Variants in SPINT2 observed in about 807,000 individuals in gnomAD.
SPINT2 encodes kunitz-type protease inhibitor 2.
SPINT2 carries 18 observed loss-of-function variants against 30.1 expected under a neutral mutation model. The ratio of observed to expected loss-of-function variants is 0.60; its 90% CI spans 0.41 to 0.89. The LOEUF (loss-of-function observed/expected upper bound fraction) is 0.89, where lower values mean the gene tolerates loss of function less well. Ranked by LOEUF, SPINT2 falls within the 40% of genes least tolerant of loss-of-function variation. The pLI is 0.00. For synonymous variants in SPINT2, 139 were observed against 137.9 expected, an observed-to-expected ratio of 1.01 and a Z score of -0.05; for missense variants, 276 against 334.3, an observed-to-expected ratio of 0.83 and a Z score of 1.36.
At chr19:38,271,600 G>A (rs1272882716) in intron 1 of SPINT2, among the ~76,000 whole-genome samples, 5 of 152,104 alleles carry the variant, frequency 3.3e-5, no homozygotes, top group African/African-American at 4.8e-5. Context: ...TTGGGAGGCC[G>A]AGGTGGGTGG....
chr19:38,279,736 C>G (rs1968559418), intron 1 of SPINT2, among the ~76,000 whole-genome samples: 1 of 152,192 alleles, frequency 6.6e-6, no homozygotes, highest in South Asian at 2.1e-4. Context: ...TCACTGCAAC[C>G]TCCGCCTTGC....
intron 2 of SPINT2, among the ~76,000 whole-genome samples, chr19:38,285,730 A>G (rs553752616): frequency 6.6e-6 from 1 of 152,124 alleles, no homozygotes; most frequent in Non-Finnish European, 1.5e-5. Flanking sequence ...TCCCCCTAAC[A>G]TGTTTTTTTG....
intron 1 of SPINT2, among the ~76,000 whole-genome samples, chr19:38,268,766 C>CGCGTGTGTGT (rs375982086): frequency 2.0e-5 from 3 of 149,818 alleles, no homozygotes; most frequent in African/African-American, 4.9e-5. Context: ...TGCGCGCGCG[C>CGCGTGTGTGT]GTGTGTGTGT....
At chr19:38,269,137 G>A (rs1308087784) in intron 1 of SPINT2, among the ~76,000 whole-genome samples, 1 of 151,588 alleles carries the variant, frequency 6.6e-6, no homozygotes, top group East Asian at 1.9e-4. Flanking sequence ...CTCTCTCATC[G>A]CCCAGTCTGG....
intron 1 of SPINT2, among the ~76,000 whole-genome samples, chr19:38,274,271 A>G (rs1030303494): frequency 6.6e-6 from 1 of 151,956 alleles, no homozygotes; most frequent in East Asian, 1.9e-4. Context: ...TTAAGCAATT[A>G]TAATGGATTA....
chr19:38,289,964 C>A (rs561464152), intron 4 of SPINT2, 155 bp from the exon 5 acceptor site: 30 of 821,848 alleles, frequency 3.7e-5, no homozygotes, highest in Non-Finnish European at 5.6e-5. Flanking sequence ...GCGTCAGAGC[C>A]GCTGCACTGG....
chr19:38,291,987 A>G lies in SPINT2; in HGVS notation c.740A>G (p.Lys247Arg), dbSNP rs747492050. The change falls in exon 7 of 7, where the codon AAG (lysine) becomes AGG (arginine). Residue 247 changes from lysine (K) to arginine (R), a missense_variant. Coordinates refer to ENST00000301244, the MANE Select transcript of SPINT2 (RefSeq NM_021102.4). ...SSGDDKEQLV[K>R]NTYVL Reference sequence around the variant, plus strand: ...GGAGATGACAAGGAGCAGCTGGTGAAGAACACATATGTCCTGTGACCGCCC... The same window carrying G: ...GGAGATGACAAGGAGCAGCTGGTGAGGAACACATATGTCCTGTGACCGCCC... The G allele has an allele frequency of 1.2e-6, 2 of 1,614,170 alleles. No individual in the cohort carries two copies. Among genetic ancestry groups the G allele is most frequent in the South Asian group, 2.2e-5 (2 of 91,078 alleles).
At chr19:38,266,187 C>G (rs1968375954) in intron 1 of SPINT2, among the ~76,000 whole-genome samples, 1 of 151,996 alleles carries the variant, frequency 6.6e-6, no homozygotes, top group Non-Finnish European at 1.5e-5. Context: ...ACAGAGCCAG[C>G]CTGGCTGGAG....
At chr19:38,288,949 G>A in intron 3 of SPINT2, 189 bp from the exon 4 acceptor site, 1 of 598,324 alleles carries the variant, frequency 1.7e-6, no homozygotes, top group East Asian at 2.8e-5. Flanking sequence ...ACCACATCCA[G>A]CACTCTCAGT....
At chr19:38,285,697 A>C (rs1479849112) in intron 2 of SPINT2, among the ~76,000 whole-genome samples, 1 of 152,202 alleles carries the variant, frequency 6.6e-6, no homozygotes, top group Non-Finnish European at 1.5e-5. Flanking sequence ...GTAAAAAATA[A>C]ATAAAAATAT....
At chr19:38,270,951 A>C (rs1021326273) in intron 1 of SPINT2, among the ~76,000 whole-genome samples, 1 of 152,232 alleles carries the variant, frequency 6.6e-6, no homozygotes, top group African/African-American at 2.4e-5. Flanking sequence ...TGTGGACATT[A>C]GAGTGTGGAT....
intron 1 of SPINT2, 122 bp downstream of exon 1, chr19:38,265,120 C>T (rs1600328103): frequency 4.7e-6 from 4 of 850,488 alleles, no homozygotes; most frequent in African/African-American, 1.7e-5. Context: ...TGGCGTTCAG[C>T]GGGTGTGGTG....
At chr19:38,276,425 C>G (rs1253718895) in intron 1 of SPINT2, among the ~76,000 whole-genome samples, 2 of 152,016 alleles carry the variant, frequency 1.3e-5, no homozygotes, top group African/African-American at 4.8e-5. Flanking sequence ...GGTGGACTTA[C>G]AAGGTCAGGA....
At chr19:38,268,843 AT>A (rs1968413806) in intron 1 of SPINT2, among the ~76,000 whole-genome samples, 1 of 151,662 alleles carries the variant, frequency 6.6e-6, no homozygotes, top group Admixed American at 6.6e-5. Context: ...GATATGCAGG[AT>A]TTTTTTCTTT....
intron 1 of SPINT2, 22 bp downstream of exon 1, chr19:38,265,020 T>A: frequency 8.6e-7 from 1 of 1,161,248 alleles, no homozygotes; most frequent in Non-Finnish European, 1.1e-6. Context: ...GCGGGTAGGC[T>A]GGAGGCGGGG....
At chr19:38,267,215 G>A (rs571364453) in intron 1 of SPINT2, among the ~76,000 whole-genome samples, 4 of 152,344 alleles carry the variant, frequency 2.6e-5, no homozygotes, top group Non-Finnish European at 4.4e-5. Flanking sequence ...CTCACTCATC[G>A]TAAGTTCTGT....
At chr19:38,287,713 C>T (rs1226842536) in intron 2 of SPINT2, among the ~76,000 whole-genome samples, 163 bp from the exon 3 acceptor site, 3 of 152,208 alleles carry the variant, frequency 2.0e-5, no homozygotes, top group African/African-American at 7.2e-5. Context: ...GGGAGGCAAT[C>T]TTGGTTCCTT....
chr19:38,287,760 C>T, intron 2 of SPINT2, 116 bp from the exon 3 acceptor site: 2 of 1,095,482 alleles, frequency 1.8e-6, no homozygotes, highest in Non-Finnish European at 2.8e-6. Context: ...CATTGAAGGT[C>T]CCATGTAAAG....
At chr19:38,286,676 C>T (rs1265294823) in intron 2 of SPINT2, among the ~76,000 whole-genome samples, 1 of 152,110 alleles carries the variant, frequency 6.6e-6, no homozygotes, top group African/African-American at 2.4e-5. Flanking sequence ...CCAGCTACTC[C>T]AGAGGCTGAG....
Sources: allele counts gnomAD v4.1 joint callset (sites outside exome capture counted in the v4.1 genomes callset), GRCh38; gene constraint gnomAD v4.1.1; transcripts MANE v1.5; gene names NCBI Gene and HGNC (gene_info 2026-07-23, HGNC 2026-07-21).